The following RBFOX1 variants were observed in gnomAD, a reference collection of about 807,000 sequenced individuals.
RBFOX1 encodes RNA binding fox-1 homolog 1.
In RBFOX1, 8 loss-of-function variants were observed where a neutral mutation model predicts 57.7. The ratio of observed to expected loss-of-function variants is 0.14; its 90% CI spans 0.08 to 0.25. RBFOX1 has a LOEUF of 0.25. RBFOX1 is among the 10% of genes least tolerant of loss of function. RBFOX1 has a pLI of 1.00. For synonymous variants in RBFOX1, 326 were observed against 222.4 expected, an observed-to-expected ratio of 1.47 and a Z score of -4.15; for missense variants, 611 against 548.5, an observed-to-expected ratio of 1.11 and a Z score of -1.14.
At chr16:7,687,399 A>T (rs1443503049) in intron 14 of RBFOX1, among the ~76,000 whole-genome samples, 1 of 152,072 alleles carries the variant, frequency 6.6e-6, no homozygotes. Flanking sequence ...TACTCCAGTG[A>T]TTTAAAGGAT....
intron 4 of RBFOX1, among the ~76,000 whole-genome samples, chr16:7,069,594 G>A (rs1418574039): frequency 6.6e-6 from 1 of 152,080 alleles, no homozygotes; most frequent in Non-Finnish European, 1.5e-5. Context: ...TCCTTTCACG[G>A]CCTGGGTAAG....
At chr16:6,394,013 A>C (rs928130025) in intron 2 of RBFOX1, among the ~76,000 whole-genome samples, 9 of 152,144 alleles carry the variant, frequency 5.9e-5, no homozygotes, top group Admixed American at 4.6e-4. Context: ...AACTGTTTAG[A>C]AGACTATACT....
In RBFOX1 at chr16:5,506,151, A is replaced by G. The variant is rs78487912; in HGVS notation, c.258+38897A>G. Among the ~76,000 whole-genome samples, 1,262 of 152,240 alleles carry G rather than the reference A, an allele frequency of 8.3e-3. 15 individuals are homozygous for G. Among genetic ancestry groups the G allele is most frequent in the East Asian group, 0.043 (224 of 5,158 alleles). On this transcript the variant is annotated intron_variant, in intron 2 of 2. Coordinates refer to the RBFOX1 transcript ENST00000585867. Reference sequence around the variant, plus strand: ...GGTCTGCCAAGCTTGCTTTGAAATCATTAATGTGCCTGTCTTCACAGTGTT... The same window carrying G: ...GGTCTGCCAAGCTTGCTTTGAAATCGTTAATGTGCCTGTCTTCACAGTGTT...
chr16:7,161,959 A>T (rs759102261), intron 4 of RBFOX1, among the ~76,000 whole-genome samples: 1 of 152,214 alleles, frequency 6.6e-6, no homozygotes. Flanking sequence ...TTTCCAGGCA[A>T]TGAACCACTA....
At chr16:7,122,917 G>A (rs566796468) in intron 4 of RBFOX1, among the ~76,000 whole-genome samples, 2 of 152,206 alleles carry the variant, frequency 1.3e-5, no homozygotes, top group African/African-American at 2.4e-5. Context: ...TATTTCAAAA[G>A]CATTATGCTA....
chr16:7,665,838 A>C (rs2069089485), intron 13 of RBFOX1, among the ~76,000 whole-genome samples: 2 of 152,164 alleles, frequency 1.3e-5, no homozygotes, highest in South Asian at 4.1e-4. Flanking sequence ...TTTCTGATGA[A>C]ATTGGTATCA....
chr16:5,296,965 C>T (rs1435510459), intron 1 of RBFOX1, among the ~76,000 whole-genome samples: 3 of 152,134 alleles, frequency 2.0e-5, no homozygotes. Context: ...CATGAGCTAC[C>T]ATGCCTGGCC....
At chr16:6,661,108 A>G (rs1377140582) in intron 3 of RBFOX1, among the ~76,000 whole-genome samples, 1 of 152,244 alleles carries the variant, frequency 6.6e-6, no homozygotes, top group Non-Finnish European at 1.5e-5. Flanking sequence ...CATGTGGAAT[A>G]TAGATTCAGT....
At chr16:7,575,346 G>A (rs1441866304) in intron 5 of RBFOX1, among the ~76,000 whole-genome samples, 1 of 152,044 alleles carries the variant, frequency 6.6e-6, no homozygotes, top group Non-Finnish European at 1.5e-5. Context: ...TGTTGGTCAG[G>A]CTGGTCTTGA....
At chr16:6,309,387 G>C (rs1349169564) in intron 1 of RBFOX1, among the ~76,000 whole-genome samples, 1 of 152,162 alleles carries the variant, frequency 6.6e-6, no homozygotes, top group African/African-American at 2.4e-5. Flanking sequence ...CCTTCTGACA[G>C]ACAGTGCAAA....
At chr16:5,903,102 G>T (rs1383872239) in intron 4 of RBFOX1, among the ~76,000 whole-genome samples, 1 of 151,658 alleles carries the variant, frequency 6.6e-6, no homozygotes, top group Non-Finnish European at 1.5e-5. Context: ...GTGTGTGGGT[G>T]TGTGTGTGTG....
chr16:6,091,859 G>C (rs72772880), intron 1 of RBFOX1, among the ~76,000 whole-genome samples: 5,312 of 152,166 alleles, frequency 0.035, 133 homozygotes, highest in Non-Finnish European at 0.055. Flanking sequence ...AAAACAAATT[G>C]TTGAATAAAT....
chr16:6,205,098 G>A (rs1218511083), intron 1 of RBFOX1, among the ~76,000 whole-genome samples: 2 of 152,208 alleles, frequency 1.3e-5, no homozygotes, highest in East Asian at 3.9e-4. Context: ...CTGTCACCAG[G>A]CCCTCTCTGT....
chr16:6,667,526 C>A (rs1001094952), intron 3 of RBFOX1, among the ~76,000 whole-genome samples: 10 of 152,028 alleles, frequency 6.6e-5, no homozygotes, highest in Non-Finnish European at 1.2e-4. Context: ...CACTATGGGA[C>A]TCAATGAGCT....
At chr16:7,382,450 C>T (rs9940668) in intron 4 of RBFOX1, among the ~76,000 whole-genome samples, 2 of 152,150 alleles carry the variant, frequency 1.3e-5, no homozygotes, top group African/African-American at 2.4e-5. Flanking sequence ...TGATATATGG[C>T]TTTAATTAAA....
At chr16:6,904,564 G>T (rs1206803794) in intron 3 of RBFOX1, among the ~76,000 whole-genome samples, 1 of 124,348 alleles carries the variant, frequency 8.0e-6, no homozygotes, top group African/African-American at 3.1e-5. Flanking sequence ...TCATGCCATT[G>T]CACTCCAGCC....
At chr16:7,081,136 G>A (rs892006417) in intron 4 of RBFOX1, among the ~76,000 whole-genome samples, 1 of 152,158 alleles carries the variant, frequency 6.6e-6, no homozygotes, top group Non-Finnish European at 1.5e-5. Context: ...CCAGGTTGAA[G>A]CGATTCTCCT....
At chr16:6,380,800 A>C (rs1466518770) in intron 2 of RBFOX1, among the ~76,000 whole-genome samples, 2 of 152,140 alleles carry the variant, frequency 1.3e-5, no homozygotes, top group Non-Finnish European at 2.9e-5. Flanking sequence ...TCTGTTGCAC[A>C]TTCCTCACCA....
At chr16:6,179,759 G>A (rs921455254) in intron 1 of RBFOX1, among the ~76,000 whole-genome samples, 2 of 152,148 alleles carry the variant, frequency 1.3e-5, no homozygotes, top group African/African-American at 4.8e-5. Flanking sequence ...AAAACTTAGT[G>A]TATCAAGATC....
Sources: allele counts gnomAD v4.1 joint callset (sites outside exome capture counted in the v4.1 genomes callset), GRCh38; gene constraint gnomAD v4.1.1; transcripts MANE v1.5; gene names NCBI Gene and HGNC (gene_info 2026-07-23, HGNC 2026-07-21).